FAH: variants seen among roughly 807,000 people sequenced by gnomAD.
FAH encodes fumarylacetoacetate hydrolase, also known as fumarylacetoacetase.
Under a neutral mutation model 55.8 loss-of-function variants are expected in FAH, and 47 were observed. The observed-to-expected ratio is 0.84, with a 90% CI of 0.67 to 1.07. The LOEUF (loss-of-function observed/expected upper bound fraction) is 1.07. Ranked by LOEUF, FAH falls within the 50% of genes least tolerant of loss-of-function variation. FAH has a pLI of 0.00. For missense variants in FAH, 495 were observed against 545.9 expected, an observed-to-expected ratio of 0.91 and a Z score of 0.93; for synonymous variants, 199 against 207.7, an observed-to-expected ratio of 0.96 and a Z score of 0.36.
chr15:80,184,782 G>A (rs766373177), intron 13 of FAH, among the ~76,000 whole-genome samples: 1 of 152,136 alleles, frequency 6.6e-6, no homozygotes, highest in African/African-American at 2.4e-5. Flanking sequence ...AATGCATCTC[G>A]TGCCTGAGTG....
Position 80,173,068 on chromosome 15 carries a change from G to A in FAH, c.761G>A (p.Ser254Asn). 1 of 1,614,254 alleles carries A rather than the reference G, an allele frequency of 6.2e-7. No homozygotes were observed. Among genetic ancestry groups the A allele is most frequent in the Non-Finnish European group, 8.5e-7 (1 of 1,180,044 alleles). ...YVPLGPFLGK[S>N]FGTTVSPWVV... ...CCTCTCGGGCCATTCCTTGGGAAGA[G>A]TTTTGGGACCACTGTCTCTCCGTGG... The change falls in exon 9 of 14, where the codon AGT becomes AAT. Residue 254 changes from serine (S) to asparagine (N), a missense_variant. Physicochemically the swap from Ser to Asn is conservative, Grantham distance 46. Coordinates refer to ENST00000561421, the MANE Select transcript of FAH (RefSeq NM_000137.4).
At position 80,158,071 on chromosome 15, in the gene FAH, G is replaced by T. The variant is rs2041114391; in HGVS notation, c.93G>T (p.Arg31Ser). ...CGTCTTCCTCCTAGCCAAGACCGAGGATAGGTGTGGCCATTGGCGACCAGA... is the reference window on the plus strand; with the variant it reads ...CGTCTTCCTCCTAGCCAAGACCGAGTATAGGTGTGGCCATTGGCGACCAGA... Reference protein sequence around the residue: ...VFSTRGDPRPRIGVAIGDQIL... With the variant: ...VFSTRGDPRPSIGVAIGDQIL... The change falls in exon 2 of 14, where the codon AGG (arginine) becomes AGT (serine). Residue 31 changes from arginine to serine, a missense_variant. Transcript: ENST00000561421. 2 of 1,613,864 alleles carry T rather than the reference G, an allele frequency of 1.2e-6. No individual in the cohort carries two copies. The highest frequency in any genetic ancestry group is 1.7e-6 in the Non-Finnish European group (2 of 1,179,766).
chr15:80,169,810 G>A (rs1328788588), intron 7 of FAH, among the ~76,000 whole-genome samples: 1 of 152,198 alleles, frequency 6.6e-6, no homozygotes, highest in East Asian at 1.9e-4. Flanking sequence ...TTGGATTACA[G>A]GCATGAGCCA....
Position 80,159,865 on chromosome 15 carries a change from A to T in FAH, c.302A>T (p.Glu101Val), listed in dbSNP as rs758347578. ...CAAGCCAGGCTCAGAGATGACACCG[A>T]ACTTCGGAAGTGGTGAGAAGCACGT... ...VSQARLRDDT[E>V]LRKCAFISQA... The change falls in exon 3 of 14, where the codon GAA (glutamate) becomes GTA (valine). Residue 101 changes from glutamate to valine, a missense_variant. Glu to Val is a moderately radical substitution (Grantham distance 121). Coordinates refer to ENST00000561421, the MANE Select transcript of FAH (RefSeq NM_000137.4). 6.2e-7 allele frequency: 1 copy of T among 1,614,100 alleles called. No individual in the cohort carries two copies.
intron 5 of FAH, among the ~76,000 whole-genome samples, chr15:80,165,120 C>T (rs960899793): frequency 6.6e-5 from 10 of 152,160 alleles, no homozygotes; most frequent in Non-Finnish European, 7.3e-5. Flanking sequence ...GGGCTGGGCG[C>T]GGTGGCTCAC....
chr15:80,184,613 T>C (rs78139854), intron 13 of FAH, among the ~76,000 whole-genome samples: 10,218 of 152,102 alleles, frequency 0.067, 405 homozygotes, highest in East Asian at 0.087. Flanking sequence ...TTTCTGAGCA[T>C]TGAGGTGGAA....
chr15:80,156,137 G>GT, intron 1 of FAH: 1 of 254,682 alleles, frequency 3.9e-6, no homozygotes, highest in Non-Finnish European at 7.8e-6. Context: ...TAAGTAATGG[G>GT]TGCCTTCCCA....
In FAH at chr15:80,168,368, A is replaced by G. The variant is rs77307876; in HGVS notation, c.606+52A>G. 2,272 of 1,598,680 alleles carry G rather than the reference A, an allele frequency of 1.4e-3. 25 individuals carry two copies. In the African/African-American group the frequency reaches 0.026, roughly 19 times the overall value. ...ATGGGATCTATAGACACCCGGCAGG[A>G]GAGCCCTTTGGGATGGCTCCCCGCA... On this transcript the variant is annotated intron_variant, in intron 7 of 13. Transcript: ENST00000561421.
chr15:80,172,237 A>G lies in FAH; in HGVS notation c.695A>G (p.Asn232Ser), dbSNP rs1041287653. ...HEHIFGMVLM[N>S]DWSARDIQKW... Reference sequence around the variant, plus strand: ...CACATTTTTGGAATGGTCCTTATGAACGACTGGAGTGGTAATTACTGGAGC... The same window carrying G: ...CACATTTTTGGAATGGTCCTTATGAGCGACTGGAGTGGTAATTACTGGAGC... Residue 232 changes from asparagine to serine, a missense_variant, in exon 8 of 14, where the codon AAC becomes AGC. Coordinates refer to ENST00000561421, the MANE Select transcript of FAH (RefSeq NM_000137.4). 6.2e-7 allele frequency: 1 copy of G among 1,611,248 alleles called. No homozygotes were observed. Among genetic ancestry groups the G allele is most frequent in the South Asian group, 1.1e-5 (1 of 91,014 alleles).
At chr15:80,155,788 C>CG (rs1002490142) in intron 1 of FAH, among the ~76,000 whole-genome samples, 2 of 152,048 alleles carry the variant, frequency 1.3e-5, no homozygotes, top group Admixed American at 6.6e-5. Context: ...GATCATGGGA[C>CG]GGGGGCTCTT....
upstream of FAH, chr15:80,152,907 T>C: frequency 1.6e-6 from 1 of 643,572 alleles, no homozygotes; most frequent in Non-Finnish European, 2.7e-6. Context: ...AAAAGTCAGG[T>C]AGGAGCCTCC....
chr15:80,155,169 G>A (rs925700287), intron 1 of FAH, among the ~76,000 whole-genome samples: 11 of 152,102 alleles, frequency 7.2e-5, no homozygotes, highest in South Asian at 2.1e-4. Context: ...TGAGCTCCCC[G>A]CTGCGGCCCA....
At chr15:80,171,776 A>C (rs1201213676) in intron 7 of FAH, among the ~76,000 whole-genome samples, 1 of 152,202 alleles carries the variant, frequency 6.6e-6, no homozygotes, top group Non-Finnish European at 1.5e-5. Context: ...TTTTCATGAC[A>C]TGAATACAAA....
At chr15:80,169,863 T>G (rs2041225279) in intron 7 of FAH, among the ~76,000 whole-genome samples, 1 of 152,194 alleles carries the variant, frequency 6.6e-6, no homozygotes, top group Non-Finnish European at 1.5e-5. Context: ...ATTAAACTTT[T>G]TATTTTGAGG....
chr15:80,183,482 CCTT>C (rs1273413700), intron 13 of FAH, among the ~76,000 whole-genome samples: 1 of 152,220 alleles, frequency 6.6e-6, no homozygotes, highest in African/African-American at 2.4e-5. Flanking sequence ...TCTGCCCTCA[CCTT>C]CTACGACTTC....
intron 13 of FAH, among the ~76,000 whole-genome samples, chr15:80,184,645 G>A (rs1042626538): frequency 2.0e-5 from 3 of 152,130 alleles, no homozygotes; most frequent in Non-Finnish European, 2.9e-5. Flanking sequence ...AGAAAATAAT[G>A]AAAATGAGCA....
At chr15:80,162,450 C>A in intron 5 of FAH, 114 bp downstream of exon 5, 4 of 930,362 alleles carry the variant, frequency 4.3e-6, no homozygotes, top group Non-Finnish European at 7.0e-6. Context: ...GGAGGAAAAG[C>A]AGTTATGATG....
At chr15:80,166,339 G>C (rs2142096590) in intron 5 of FAH, 1 of 152,254 alleles carries the variant, frequency 6.6e-6, no homozygotes, top group African/African-American at 2.4e-5. Context: ...GATCAGGCTG[G>C]TCGCAAACTC....
Position 80,180,782 on chromosome 15 carries a change from G to C in FAH, c.1063-260G>C, listed in dbSNP as rs1355386759. ...GAGGGGATGCTGCAGGGGGCACTGG[G>C]CACTCTGGTCAGGGATTCACTGATT... On this transcript the variant is annotated intron_variant, in intron 12 of 13. Coordinates refer to ENST00000561421, the MANE Select transcript of FAH (RefSeq NM_000137.4). 2.6e-5 allele frequency among the ~76,000 whole-genome samples: 4 copies of C among 152,154 alleles called. No individual in the cohort carries two copies. In the East Asian group the frequency reaches 7.7e-4, roughly 29 times the overall value.
Sources: gnomAD v4.1 joint callset for allele counts (sites outside exome capture counted in the v4.1 genomes callset) on GRCh38, gnomAD v4.1.1 for gene constraint, MANE v1.5 for transcripts, NCBI Gene and HGNC (gene_info 2026-07-23, HGNC 2026-07-21) for gene names.